Variants in TBC1D32 observed in about 807,000 individuals in gnomAD.
TBC1D32 encodes protein broad-minded.
A neutral mutation model predicts 170.3 loss-of-function variants in TBC1D32; 151 were observed. The observed-to-expected ratio is 0.89, with a 90% CI of 0.78 to 1.01. TBC1D32 has a LOEUF of 1.01. Ranked by LOEUF, TBC1D32 falls within the 50% of genes least tolerant of loss-of-function variation. TBC1D32 has a pLI of 0.00. For missense variants in TBC1D32, 1,464 were observed against 1,457.1 expected, an observed-to-expected ratio of 1.00 and a Z score of -0.08; for synonymous variants, 498 against 488.0, an observed-to-expected ratio of 1.02 and a Z score of -0.27.
chr6:121,086,994 A>G (rs1357167100), intron 31 of TBC1D32, among the ~76,000 whole-genome samples: 1 of 152,228 alleles, frequency 6.6e-6, no homozygotes, highest in Non-Finnish European at 1.5e-5. Context: ...TGTCACAGAT[A>G]AAAATGTTTA....
At chr6:121,332,850 A>G (rs1811385418) in intron 1 of TBC1D32, among the ~76,000 whole-genome samples, 1 of 152,194 alleles carries the variant, frequency 6.6e-6, no homozygotes, top group African/African-American at 2.4e-5. Flanking sequence ...TTAGTAGTGA[A>G]TTTAATGAGA....
At chr6:121,150,120 G>T (rs1307620792) in intron 24 of TBC1D32, among the ~76,000 whole-genome samples, 1 of 152,190 alleles carries the variant, frequency 6.6e-6, no homozygotes, top group Non-Finnish European at 1.5e-5. Context: ...TCCAAATTTT[G>T]CCCATTCAGT....
chr6:121,316,904 A>T (rs1405788941), intron 3 of TBC1D32, among the ~76,000 whole-genome samples: 1 of 152,114 alleles, frequency 6.6e-6, no homozygotes, highest in African/African-American at 2.4e-5. Context: ...GTACAAGTTC[A>T]TGGCACATGC....
At chr6:121,088,842 G>C (rs1776515917) in intron 31 of TBC1D32, among the ~76,000 whole-genome samples, 1 of 152,134 alleles carries the variant, frequency 6.6e-6, no homozygotes, top group African/African-American at 2.4e-5. Context: ...ATTTAACAGA[G>C]GCTTAGGTCA....
intron 15 of TBC1D32, among the ~76,000 whole-genome samples, chr6:121,272,551 A>G (rs994807504): frequency 3.9e-5 from 6 of 152,178 alleles, no homozygotes; most frequent in Non-Finnish European, 8.8e-5. Context: ...AATCAAAACC[A>G]CAATGAGATA....
intron 14 of TBC1D32, among the ~76,000 whole-genome samples, chr6:121,280,931 T>C (rs1038886710): frequency 2.6e-5 from 4 of 151,834 alleles, no homozygotes; most frequent in Admixed American, 2.0e-4. Flanking sequence ...GTCATACAAG[T>C]AGAGGGAGGT....
chr6:121,250,538 C>G (rs534227262), intron 17 of TBC1D32, among the ~76,000 whole-genome samples: 33 of 152,188 alleles, frequency 2.2e-4, no homozygotes, highest in Middle Eastern at 3.4e-3. Flanking sequence ...ATTCAACACC[C>G]CTTTATGCTA....
intron 1 of TBC1D32, among the ~76,000 whole-genome samples, chr6:121,326,074 T>C (rs1235701749): frequency 2.6e-5 from 4 of 152,036 alleles, no homozygotes; most frequent in East Asian, 1.9e-4. Flanking sequence ...CAATGAGAAG[T>C]AGAACTCTTG....
chr6:121,237,616 C>T (rs1162235295), intron 20 of TBC1D32, among the ~76,000 whole-genome samples: 1 of 151,526 alleles, frequency 6.6e-6, no homozygotes, highest in Non-Finnish European at 1.5e-5. Context: ...TTCACTACTT[C>T]TTCTATTATG....
At chr6:121,289,558 C>A (rs202048205) in intron 12 of TBC1D32, among the ~76,000 whole-genome samples, 8 of 152,088 alleles carry the variant, frequency 5.3e-5, no homozygotes, top group African/African-American at 1.4e-4. Flanking sequence ...AATATCGTGA[C>A]AATGGCCATA....
chr6:121,190,392 C>T (rs7759653), intron 22 of TBC1D32, among the ~76,000 whole-genome samples: 2,143 of 147,322 alleles, frequency 0.015, 63 homozygotes, highest in African/African-American at 0.051. Flanking sequence ...TGCACACATA[C>T]CCCTTCCCCC....
chr6:121,140,045 T>C lies in TBC1D32; in HGVS notation c.2774-8293A>G, dbSNP rs564444024. 1.4e-4 allele frequency among the ~76,000 whole-genome samples: 21 copies of C among 152,276 alleles called. 1 individual carries two copies. In the East Asian group the frequency reaches 3.5e-3, roughly 25 times the overall value. On this transcript the variant is annotated intron_variant, in intron 24 of 31. Transcript: ENST00000398212. ...CCAGGGGTTTGTATTTTCACTTGTCTACTTTTATAAAATGCCAAAACTATG... is the reference window on the plus strand; with the variant it reads ...CCAGGGGTTTGTATTTTCACTTGTCCACTTTTATAAAATGCCAAAACTATG...
intron 9 of TBC1D32, among the ~76,000 whole-genome samples, chr6:121,301,683 T>C (rs1342835021): frequency 6.6e-6 from 1 of 152,152 alleles, no homozygotes; most frequent in Non-Finnish European, 1.5e-5. Flanking sequence ...ACTTAAAGTA[T>C]AGTAAAAAAA....
At chr6:121,251,321 C>A (rs1317206441) in intron 17 of TBC1D32, among the ~76,000 whole-genome samples, 1 of 152,020 alleles carries the variant, frequency 6.6e-6, no homozygotes. Flanking sequence ...TACCTGACTT[C>A]AAGCTATACT....
At chr6:121,311,206 C>G (rs1037855592) in intron 3 of TBC1D32, among the ~76,000 whole-genome samples, 4 of 152,054 alleles carry the variant, frequency 2.6e-5, no homozygotes, top group Non-Finnish European at 5.9e-5. Flanking sequence ...ACCAATAGTA[C>G]CCTAGGCACA....
At chr6:121,160,379 T>TC (rs1785465798) in intron 23 of TBC1D32, among the ~76,000 whole-genome samples, 3 of 9,938 alleles carry the variant, frequency 3.0e-4, no homozygotes, top group African/African-American at 3.4e-4. Context: ...ATTTACTGTG[T>TC]TTTTTTTCAT....
chr6:121,127,590 T>C (rs952322368), intron 25 of TBC1D32, among the ~76,000 whole-genome samples: 40 of 152,256 alleles, frequency 2.6e-4, no homozygotes, highest in African/African-American at 9.1e-4. Flanking sequence ...TTCAAGTCTC[T>C]CTTCTATGAA....
At chr6:121,086,613 C>A (rs530401341) in intron 31 of TBC1D32, among the ~76,000 whole-genome samples, 4 of 152,194 alleles carry the variant, frequency 2.6e-5, no homozygotes, top group East Asian at 1.9e-4. Flanking sequence ...GATTTTGTTA[C>A]AATATGCAAG....
intron 22 of TBC1D32, among the ~76,000 whole-genome samples, chr6:121,202,131 G>C (rs1039380021): frequency 2.0e-5 from 3 of 150,518 alleles, no homozygotes; most frequent in African/African-American, 7.5e-5. Flanking sequence ...ATATAAATGG[G>C]GGCATCTACT....
Sources: gnomAD v4.1 joint callset for allele counts (sites outside exome capture counted in the v4.1 genomes callset) on GRCh38, gnomAD v4.1.1 for gene constraint, MANE v1.5 for transcripts, NCBI Gene and HGNC (gene_info 2026-07-23, HGNC 2026-07-21) for gene names.